The following ARHGAP6 variants were observed in gnomAD, a reference collection of about 807,000 sequenced individuals.
ARHGAP6 encodes the protein rho GTPase-activating protein 6.
In ARHGAP6, 16 loss-of-function variants were observed where a neutral mutation model predicts 55.7. The observed-to-expected ratio is 0.29, with a 90% CI of 0.19 to 0.44. The LOEUF is 0.44. Ranked by LOEUF, ARHGAP6 falls within the 20% of genes least tolerant of loss-of-function variation. ARHGAP6 has a pLI of 1.00. For synonymous variants in ARHGAP6, 382 were observed against 360.9 expected (o/e 1.06, Z -0.66); for missense variants, 698 against 808.9 (o/e 0.86, Z 1.66).
At chrX:11,344,487 A>C (rs1352890015) in intron 1 of ARHGAP6, among the ~76,000 whole-genome samples, 3 of 108,871 alleles carry the variant, frequency 2.8e-5, no homozygotes, top group East Asian at 2.9e-4. Context: ...AGCCTGGCTA[A>C]CATGGTGAAA....
rs2046386407 is a variant in ARHGAP6 at position 11,186,382 on chromosome X, C to T, written c.1127G>A (p.Arg376Gln). ...GGAAAGTTGTAAAGCTTCTAGTAGT[C>T]GAGACTGATTGTCATCAAGATCGGT... ...SITDLDDNQS[R>Q]LLEALQLSLP... Residue 376 changes from arginine (R) to glutamine (Q), a missense_variant, in exon 5 of 13, where the codon CGA becomes CAA. Arg to Gln is a conservative substitution (Grantham distance 43, BLOSUM62 1). Transcript: ENST00000337414. The T allele has an allele frequency of 8.3e-7, 1 of 1,210,709 alleles. No individual in the cohort carries two copies. The highest frequency in any genetic ancestry group is 3.0e-5 in the East Asian group (1 of 33,786).
chrX:11,138,543 A>C lies in ARHGAP6; in HGVS notation c.*320T>G. ...CAGAATACACAATAGTCAAAACCGA[A>C]GACACATAAATACGGTTAGGCTATA... On this transcript the variant is annotated 3_prime_UTR_variant, in exon 13 of 13. Transcript: ENST00000337414. 1 of 307,076 alleles carries C rather than the reference A, an allele frequency of 3.3e-6. No individual in the cohort carries two copies. The highest frequency in any genetic ancestry group is 5.6e-6 in the Non-Finnish European group (1 of 177,428). 25.3% of individuals were successfully genotyped at this position (307,076 alleles called of 1,213,427 possible).
At chrX:11,479,774 C>A (rs929984283) in intron 1 of ARHGAP6, among the ~76,000 whole-genome samples, 1 of 111,986 alleles carries the variant, frequency 8.9e-6, no homozygotes, top group Non-Finnish European at 1.9e-5. Context: ...GGCCCCACTG[C>A]TCTTAATCAA....
At chrX:11,521,689 G>T (rs1259169927) in intron 1 of ARHGAP6, among the ~76,000 whole-genome samples, 3 of 110,917 alleles carry the variant, frequency 2.7e-5, no homozygotes, top group African/African-American at 9.9e-5. Context: ...TTCCAATTCT[G>T]TGAAGAAAGG....
intron 1 of ARHGAP6, among the ~76,000 whole-genome samples, chrX:11,259,690 A>AT (rs200663548): frequency 0.041 from 4,549 of 111,580 alleles, 64 homozygotes; most frequent in Middle Eastern, 0.083. Context: ...CATAATCCTT[A>AT]TTTTTTCACT....
intron 1 of ARHGAP6, among the ~76,000 whole-genome samples, chrX:11,633,504 T>A (rs755307513): frequency 7.1e-5 from 8 of 112,007 alleles, no homozygotes; most frequent in Non-Finnish European, 1.1e-4. Context: ...ATCACTCCAC[T>A]ATACCCACTG....
chrX:11,640,678 T>C (rs190144048), intron 1 of ARHGAP6, among the ~76,000 whole-genome samples: 2 of 111,422 alleles, frequency 1.8e-5, no homozygotes, highest in African/African-American at 6.5e-5. Flanking sequence ...TTTAGGCTGC[T>C]TCTCTCCTGG....
chrX:11,359,359 A>G (rs1179528385), intron 1 of ARHGAP6, among the ~76,000 whole-genome samples: 1 of 112,514 alleles, frequency 8.9e-6, no homozygotes, highest in Non-Finnish European at 1.9e-5. Flanking sequence ...TTTTCAGGAT[A>G]AGAAACTTTG....
At chrX:11,502,185 T>C (rs1444748547) in intron 1 of ARHGAP6, among the ~76,000 whole-genome samples, 3 of 112,782 alleles carry the variant, frequency 2.7e-5, no homozygotes, top group Non-Finnish European at 5.6e-5. Flanking sequence ...GTACATTAAT[T>C]ACAACTACAT....
chrX:11,332,188 G>A (rs1186941503), intron 1 of ARHGAP6, among the ~76,000 whole-genome samples: 1 of 111,527 alleles, frequency 9.0e-6, no homozygotes, highest in Non-Finnish European at 1.9e-5. Flanking sequence ...TCATGATCAA[G>A]CTACTCTTAG....
intron 1 of ARHGAP6, among the ~76,000 whole-genome samples, chrX:11,660,558 A>AGC (rs2052689547): frequency 1.4e-5 from 1 of 72,429 alleles, no homozygotes; most frequent in Non-Finnish European, 2.7e-5. Flanking sequence ...AAAAAAAAAA[A>AGC]AAAAAAAAAA....
At chrX:11,421,435 C>T (rs1216458008) in intron 1 of ARHGAP6, among the ~76,000 whole-genome samples, 1 of 111,604 alleles carries the variant, frequency 9.0e-6, no homozygotes, top group Non-Finnish European at 1.9e-5. Flanking sequence ...CCAAAAGTGC[C>T]TCCAGACATT....
At chrX:11,354,286 TCTCTCTCTTTC>T (rs1307277363) in intron 1 of ARHGAP6, among the ~76,000 whole-genome samples, 2 of 74,694 alleles carry the variant, frequency 2.7e-5, no homozygotes, top group African/African-American at 1.0e-4. Context: ...TCTCTCTCTC[TCTCTCTCTTTC>T]TCTCTCTCTC....
intron 2 of ARHGAP6, among the ~76,000 whole-genome samples, chrX:11,205,470 C>T (rs753411271): frequency 8.9e-6 from 1 of 112,181 alleles, no homozygotes; most frequent in Non-Finnish European, 1.9e-5. Flanking sequence ...CCTATATTCT[C>T]TCTTGGCTTA....
At chrX:11,571,873 G>C (rs1309611288) in intron 1 of ARHGAP6, among the ~76,000 whole-genome samples, 1 of 109,343 alleles carries the variant, frequency 9.1e-6, no homozygotes, top group African/African-American at 3.3e-5. Context: ...GGGAGACAGA[G>C]ACCCTGTCTC....
intron 1 of ARHGAP6, among the ~76,000 whole-genome samples, chrX:11,658,310 T>A (rs1037813968): frequency 6.3e-5 from 7 of 111,800 alleles, no homozygotes; most frequent in African/African-American, 2.3e-4. Context: ...TATTCTCCAT[T>A]AAAATTAAAA....
At chrX:11,579,840 T>C (rs191123664) in intron 1 of ARHGAP6, among the ~76,000 whole-genome samples, 1 of 112,173 alleles carries the variant, frequency 8.9e-6, no homozygotes, top group African/African-American at 3.2e-5. Flanking sequence ...TCAGCACTTG[T>C]TAAACTCTCA....
At chrX:11,198,484 G>C (rs1342333577) in intron 2 of ARHGAP6, among the ~76,000 whole-genome samples, 2 of 111,848 alleles carry the variant, frequency 1.8e-5, no homozygotes, top group African/African-American at 6.5e-5. Context: ...CTCCAATTAG[G>C]CCTTACAGGT....
intron 3 of ARHGAP6, among the ~76,000 whole-genome samples, chrX:11,190,702 C>A (rs1315297210): frequency 2.7e-5 from 3 of 110,779 alleles, no homozygotes; most frequent in African/African-American, 9.9e-5. Flanking sequence ...CATGTCTGCT[C>A]AGGTGGGCAT....
Sources: gnomAD v4.1 joint callset for allele counts (sites outside exome capture counted in the v4.1 genomes callset) on GRCh38, gnomAD v4.1.1 for gene constraint, MANE v1.5 for transcripts, NCBI Gene and HGNC (gene_info 2026-07-23, HGNC 2026-07-21) for gene names.